The following PLCZ1 variants were observed in gnomAD, a reference collection of about 807,000 sequenced individuals.
The protein encoded by PLCZ1 is phospholipase C zeta 1.
A neutral mutation model predicts 76.8 loss-of-function variants in PLCZ1; 64 were observed. The observed-to-expected ratio is 0.83, with a 90% confidence interval of 0.68 to 1.03. The LOEUF (loss-of-function observed/expected upper bound fraction) is 1.03, where lower values mean the gene tolerates loss of function less well. PLCZ1 is among the 50% of genes least tolerant of loss of function. The probability of loss-of-function intolerance (pLI) is 0.00; values close to 1 mark genes in which losing one functional copy is unlikely to be tolerated. For synonymous variants in PLCZ1, 248 were observed against 230.8 expected (o/e 1.07, Z -0.68); for missense variants, 751 against 713.7 (o/e 1.05, Z -0.60).
In PLCZ1 at chr12:18,705,182, G is replaced by C; in HGVS notation, c.848C>G (p.Thr283Ser). 1 of 1,614,044 alleles carries C rather than the reference G, an allele frequency of 6.2e-7. No homozygotes were observed. The highest frequency in any genetic ancestry group is 8.5e-7 in the Non-Finnish European group (1 of 1,179,992). The change falls in exon 7 of 15, where the codon ACT (threonine) becomes AGT (serine). Residue 283 changes from threonine to serine, a missense_variant. Transcript: ENST00000266505. Reference sequence around the variant, plus strand: ...AAATGTTACCTCTGGTGATGGTAGAGTATCAGGAAAATCATCAAGCATATC... The same window carrying C: ...AAATGTTACCTCTGGTGATGGTAGACTATCAGGAAAATCATCAAGCATATC... ...LSDMLDDFPDTLPSPEALKFK... is the reference protein window; with the variant it reads ...LSDMLDDFPDSLPSPEALKFK...
Position 18,698,298 on chromosome 12 carries a change from T to C in PLCZ1, c.1174+1496A>G, listed in dbSNP as rs370969325. Among the ~76,000 whole-genome samples the C allele has an allele frequency of 2.2e-3, 296 of 136,498 alleles. 1 individual carries two copies. The highest frequency in any genetic ancestry group is 7.8e-3 in the African/African-American group (290 of 37,140). The allele number at this position is 136,498 out of a possible 152,430, so 89.5% of individuals were successfully genotyped here. A position where few individuals can be genotyped will look rare whatever the true frequency, so the allele number is the denominator to read the frequency against. On this transcript the variant is annotated intron_variant, in intron 10 of 14. Coordinates refer to ENST00000266505, the MANE Select transcript of PLCZ1 (RefSeq NM_033123.4). Reference sequence around the variant, plus strand: ...TTCTATTCTATTCTACTCCATTCCATTCCATTCCATCCCATTCCATTCTAC... The same window carrying C: ...TTCTATTCTATTCTACTCCATTCCACTCCATTCCATCCCATTCCATTCTAC...
At chr12:18,721,032 T>A (rs1220635311) in intron 4 of PLCZ1, among the ~76,000 whole-genome samples, 6 of 152,082 alleles carry the variant, frequency 3.9e-5, no homozygotes, top group Non-Finnish European at 8.8e-5. Flanking sequence ...TCAAGCCATA[T>A]AAATTTAGGA....
the PLCZ1 span, among the ~76,000 whole-genome samples, chr12:18,660,220 T>C: frequency 5.9e-5 from 9 of 152,118 alleles, no homozygotes; most frequent in African/African-American, 2.2e-4. Flanking sequence ...TCCATCCCCA[T>C]TCTCCTGCGT....
rs760497052 is a variant in PLCZ1 at position 18,705,195 on chromosome 12, C to T, written c.835G>A (p.Asp279Asn). The T allele has an allele frequency of 1.2e-6, 2 of 1,613,888 alleles. No individual in the cohort carries two copies. The highest frequency in any genetic ancestry group is 8.5e-7 in the Non-Finnish European group (1 of 1,180,008). The change falls in exon 7 of 15, where the codon GAT becomes AAT. Residue 279 changes from aspartate (D) to asparagine (N), a missense_variant. Coordinates refer to ENST00000266505, the MANE Select transcript of PLCZ1 (RefSeq NM_033123.4). ...GESLLSDMLD[D>N]FPDTLPSPEA... ...GGTGATGGTAGAGTATCAGGAAAATCATCAAGCATATCAGAAAGCAAGGAC... is the reference window on the plus strand; with the variant it reads ...GGTGATGGTAGAGTATCAGGAAAATTATCAAGCATATCAGAAAGCAAGGAC...
chr12:18,699,698 A>C (rs1955627938), intron 10 of PLCZ1, 96 bp downstream of exon 10: 2 of 1,275,434 alleles, frequency 1.6e-6, no homozygotes, highest in Admixed American at 3.4e-5. Flanking sequence ...TTTTATGAGA[A>C]TATACATTTT....
At chr12:18,676,378 C>CT in the PLCZ1 span, among the ~76,000 whole-genome samples, 1 of 152,108 alleles carries the variant, frequency 6.6e-6, no homozygotes, top group East Asian at 2.0e-4. Flanking sequence ...CCATAGTCAG[C>CT]TTTTTTGCAG....
At chr12:18,654,920 G>GA in the PLCZ1 span, among the ~76,000 whole-genome samples, 4 of 151,658 alleles carry the variant, frequency 2.6e-5, no homozygotes, top group Admixed American at 1.3e-4. Flanking sequence ...AAAGGAAAAA[G>GA]AAAAAAGACA....
At chr12:18,690,832 T>A (rs1045198301) in intron 12 of PLCZ1, among the ~76,000 whole-genome samples, 2 of 152,142 alleles carry the variant, frequency 1.3e-5, no homozygotes, top group African/African-American at 4.8e-5. Flanking sequence ...AGGATCCTAG[T>A]TCCACATGGT....
At chr12:18,735,068 T>C (rs1482341920) in intron 3 of PLCZ1, among the ~76,000 whole-genome samples, 1 of 152,190 alleles carries the variant, frequency 6.6e-6, no homozygotes, top group Non-Finnish European at 1.5e-5. Context: ...TTGATTTCTG[T>C]ATGTTGAGCC....
chr12:18,692,800 G>T, intron 12 of PLCZ1: 1 of 1,490,760 alleles, frequency 6.7e-7, no homozygotes, highest in Non-Finnish European at 9.3e-7. Flanking sequence ...GGTCCTGGAG[G>T]TGGCAAGAAG....
intron 9 of PLCZ1, among the ~76,000 whole-genome samples, chr12:18,700,654 G>T (rs974369218): frequency 6.6e-6 from 1 of 151,736 alleles, no homozygotes; most frequent in Non-Finnish European, 1.5e-5. Context: ...GCTGGAGAAA[G>T]AATTGAAGTT....
At chr12:18,656,275 A>T in the PLCZ1 span, among the ~76,000 whole-genome samples, 1 of 151,872 alleles carries the variant, frequency 6.6e-6, no homozygotes, top group Non-Finnish European at 1.5e-5. Context: ...CCAAAAAAGC[A>T]TTAAAAAATA....
In PLCZ1 at chr12:18,723,546, C is replaced by T. The variant is rs753874458; in HGVS notation, c.136-4G>A. 1 of 1,607,042 alleles carries T rather than the reference C, an allele frequency of 6.2e-7. No homozygotes were observed. The highest frequency in any genetic ancestry group is 8.5e-7 in the Non-Finnish European group (1 of 1,175,442). On this transcript the variant is annotated splice_region_variant and splice_polypyrimidine_tract_variant and intron_variant, in intron 3 of 14. Transcript: ENST00000266505. ...CTTGTTTCAGCCTGTCATTGTCCTA[C>T]TAAAAAAATGACTGGTGGGCTCACA...
At position 18,712,932 on chromosome 12, in the gene PLCZ1, T is replaced by C; in HGVS notation, c.624A>G (p.Gln208=). 1.2e-6 allele frequency: 2 copies of C among 1,613,980 alleles called. No homozygotes were observed. The highest frequency in any genetic ancestry group is 1.1e-5 in the South Asian group (1 of 91,072). Residue 208 remains glutamine (Q), a synonymous_variant, in exon 6 of 15, where the codon CAA becomes CAG. Transcript: ENST00000266505. ...CLEIDCWDGA[Q]NEPVVYHGYT... The stretch of plus-strand genomic sequence containing the variant: ...AGCCATGATATACAACAGGTTCATT[T>C]TGTGCTCCATCCCAGCAGTCAATCT...
At position 18,696,128 on chromosome 12, in the gene PLCZ1, C is replaced by T. The variant is rs760115863; in HGVS notation, c.1291+22G>A. The T allele has an allele frequency of 5.6e-5, 67 of 1,201,560 alleles. 4 individuals carry two copies. The Middle Eastern group carries it at 7.7e-3, about 138-fold the overall frequency. 74.4% of individuals were successfully genotyped at this position (1,201,560 alleles called of 1,614,324 possible). On this transcript the variant is annotated intron_variant, in intron 11 of 14. Coordinates refer to ENST00000266505, the MANE Select transcript of PLCZ1 (RefSeq NM_033123.4). ...CATTTTATGTTACTTCTGCAAACAACTCAATATCGTATATAACATACCCAT... is the reference window on the plus strand; with the variant it reads ...CATTTTATGTTACTTCTGCAAACAATTCAATATCGTATATAACATACCCAT...
At chr12:18,726,337 G>T (rs1002645412) in intron 3 of PLCZ1, among the ~76,000 whole-genome samples, 1 of 151,972 alleles carries the variant, frequency 6.6e-6, no homozygotes, top group Non-Finnish European at 1.5e-5. Flanking sequence ...TTTAAAAAAC[G>T]TTCCTTAAGT....
chr12:18,659,116 C>T, the PLCZ1 span, among the ~76,000 whole-genome samples: 4 of 151,858 alleles, frequency 2.6e-5, no homozygotes, highest in Non-Finnish European at 5.9e-5. Flanking sequence ...TAAAAGTGGG[C>T]CAAGATAGGA....
At chr12:18,726,685 A>G (rs753827055) in intron 3 of PLCZ1, among the ~76,000 whole-genome samples, 2 of 152,196 alleles carry the variant, frequency 1.3e-5, no homozygotes, top group Non-Finnish European at 2.9e-5. Context: ...AAAATATGAA[A>G]TGTTATTTAA....
chr12:18,705,832 T>C (rs1421873130), intron 6 of PLCZ1, among the ~76,000 whole-genome samples: 1 of 151,522 alleles, frequency 6.6e-6, no homozygotes, highest in Non-Finnish European at 1.5e-5. Context: ...CGCCATTGCA[T>C]TCCAGCCTGG....
Sources: allele counts gnomAD v4.1 joint callset (sites outside exome capture counted in the v4.1 genomes callset), GRCh38; gene constraint gnomAD v4.1.1; transcripts MANE v1.5; gene names NCBI Gene and HGNC (gene_info 2026-07-23, HGNC 2026-07-21).